PKN2: variants seen among roughly 807,000 people sequenced by gnomAD.
The protein encoded by PKN2 is protein kinase N2.
Under a neutral mutation model 119.1 loss-of-function variants are expected in PKN2, and 38 were observed. That is an observed-to-expected ratio of 0.32 (90% CI 0.25 to 0.42). The LOEUF is 0.42. Among genes scored for constraint, PKN2 ranks in the 10% least tolerant of loss-of-function variants. The probability of loss-of-function intolerance (pLI) is 1.00; values close to 1 mark genes in which losing one functional copy is unlikely to be tolerated. For synonymous variants in PKN2, 390 were observed against 384.9 expected, an observed-to-expected ratio of 1.01 and a Z score of -0.15; for missense variants, 850 against 1,165.1, an observed-to-expected ratio of 0.73 and a Z score of 3.94.
chr1:88,820,180 CT>C (rs1557634743), intron 16 of PKN2, among the ~76,000 whole-genome samples: 2,103 of 70,674 alleles, frequency 0.03, 198 homozygotes, highest in African/African-American at 0.11. Context: ...TTTCAGAAAC[CT>C]ATATATATAT....
rs1398685049 is a variant in PKN2, at chr1:88,828,563, T to C, written c.2502T>C (p.Tyr834=). The C allele has an allele frequency of 3.1e-6, 5 of 1,613,204 alleles. No individual in the cohort carries two copies. Among genetic ancestry groups the C allele is most frequent in the Non-Finnish European group, 4.2e-6 (5 of 1,179,302 alleles). Residue 834 remains tyrosine, a synonymous_variant, in exon 19 of 22, where the codon TAT becomes TAC. Transcript: ENST00000370521. ...LAPEVLTETS[Y]TRAVDWWGLG... ...CAGAAGTATTAACAGAAACTTCTTA[T>C]ACAAGGGCTGTAGATTGGTGGGGCC...
At chr1:88,706,764 T>C (rs1041620254) in intron 1 of PKN2, among the ~76,000 whole-genome samples, 5 of 152,108 alleles carry the variant, frequency 3.3e-5, no homozygotes, top group African/African-American at 1.2e-4. Flanking sequence ...CATTGCACAG[T>C]TTTTGATATG....
At chr1:88,829,806 G>A (rs984806098) in intron 19 of PKN2, among the ~76,000 whole-genome samples, 4 of 152,164 alleles carry the variant, frequency 2.6e-5, no homozygotes, top group Non-Finnish European at 4.4e-5. Context: ...GTTTGAAGAA[G>A]TTAGTGCTGA....
intron 19 of PKN2, among the ~76,000 whole-genome samples, chr1:88,831,281 A>G (rs559575685): frequency 6.6e-6 from 1 of 151,892 alleles, no homozygotes; most frequent in South Asian, 2.1e-4. Context: ...ACAAATGTAT[A>G]GATATTTCTT....
chr1:88,835,602 A>G lies in PKN2; in HGVS notation c.*2154A>G, dbSNP rs1378993636. ...AGATTTAAAATTTTAAGCTTTATAG[A>G]GTGTAAATATATTTTGCTATTACTG... On this transcript the variant is annotated 3_prime_UTR_variant, in exon 22 of 22. Coordinates refer to ENST00000370521, the MANE Select transcript of PKN2 (RefSeq NM_006256.4). 1 of 152,410 alleles carries G rather than the reference A, an allele frequency of 6.6e-6. No individual in the cohort carries two copies. Among genetic ancestry groups the G allele is most frequent in the Non-Finnish European group, 1.5e-5 (1 of 67,918 alleles). 9.4% of individuals were successfully genotyped at this position (152,410 alleles called of 1,614,324 possible).
chr1:88,763,302 A>G (rs536299242), intron 3 of PKN2, among the ~76,000 whole-genome samples: 88 of 152,356 alleles, frequency 5.8e-4, no homozygotes, highest in African/African-American at 1.8e-3. Context: ...TGAGATTTCA[A>G]GTTTAGAAAG....
At chr1:88,750,341 C>T (rs981686862) in intron 2 of PKN2, among the ~76,000 whole-genome samples, 12 of 152,152 alleles carry the variant, frequency 7.9e-5, no homozygotes, top group African/African-American at 2.9e-4. Flanking sequence ...TAAGAAGGAT[C>T]GGGATTGCTC....
chr1:88,732,776 A>T (rs1238528059), intron 1 of PKN2, among the ~76,000 whole-genome samples: 2 of 152,196 alleles, frequency 1.3e-5, no homozygotes, highest in Non-Finnish European at 2.9e-5. Flanking sequence ...TTTTAAATGA[A>T]GTCTTGTAAG....
chr1:88,804,093 G>A (rs530594575), intron 8 of PKN2, among the ~76,000 whole-genome samples: 3 of 152,178 alleles, frequency 2.0e-5, no homozygotes, highest in African/African-American at 7.2e-5. Context: ...AAGGAGTTTC[G>A]GTGGTTATTC....
At chr1:88,695,761 T>TG (rs1175414217) in intron 1 of PKN2, among the ~76,000 whole-genome samples, 1 of 152,216 alleles carries the variant, frequency 6.6e-6, no homozygotes, top group Admixed American at 6.5e-5. Flanking sequence ...TTGCTTCCTC[T>TG]GGAATATCAT....
At chr1:88,803,571 C>T (rs1671418557) in intron 8 of PKN2, among the ~76,000 whole-genome samples, 1 of 152,112 alleles carries the variant, frequency 6.6e-6, no homozygotes, top group Admixed American at 6.5e-5. Context: ...GGTTTGGCCA[C>T]AGCTTAGGAA....
chr1:88,684,710 C>T, intron 1 of PKN2, 82 bp downstream of exon 1: 15 of 1,239,634 alleles, frequency 1.2e-5, no homozygotes, highest in Non-Finnish European at 1.6e-5. Context: ...CCGAGGAAAG[C>T]CCTGCGGCCG....
chr1:88,743,771 A>G (rs1381130884), intron 2 of PKN2, among the ~76,000 whole-genome samples: 1 of 152,210 alleles, frequency 6.6e-6, no homozygotes, highest in Non-Finnish European at 1.5e-5. Context: ...AGTCTTTAGA[A>G]TTAGTATCAA....
At chr1:88,816,878 A>T (rs1269338593) in intron 16 of PKN2, 1 of 152,244 alleles carries the variant, frequency 6.6e-6, no homozygotes, top group African/African-American at 2.4e-5. Context: ...GAAGCATTCC[A>T]TATTTTTCTG....
At chr1:88,748,175 C>G (rs935657602) in intron 2 of PKN2, among the ~76,000 whole-genome samples, 1 of 152,108 alleles carries the variant, frequency 6.6e-6, no homozygotes, top group Non-Finnish European at 1.5e-5. Context: ...ATGAATTCAT[C>G]TAACTGCCAC....
intron 1 of PKN2, among the ~76,000 whole-genome samples, chr1:88,707,742 A>G (rs1421677231): frequency 6.6e-6 from 1 of 152,030 alleles, no homozygotes; most frequent in Non-Finnish European, 1.5e-5. Flanking sequence ...GGATTGGTAT[A>G]TTTTCATTTG....
intron 8 of PKN2, among the ~76,000 whole-genome samples, chr1:88,797,862 T>A (rs190729382): frequency 6.7e-6 from 1 of 149,932 alleles, no homozygotes; most frequent in African/African-American, 2.5e-5. Context: ...GGCACAGTGG[T>A]TCATGCCTGT....
Position 88,721,886 on chromosome 1 carries a change from G to A in PKN2, c.49-19102G>A, listed in dbSNP as rs6687512. Among the ~76,000 whole-genome samples the A allele has an allele frequency of 4.8e-3, 727 of 152,278 alleles. 3 individuals are homozygous for A. The highest frequency in any genetic ancestry group is 0.016 in the African/African-American group (683 of 41,554). ...CCACTCTATGTGAGTGTGTGTGTGT[G>A]TGTTGCACACATGGAATTTTCTGAG... On this transcript the variant is annotated intron_variant, in intron 1 of 21. Coordinates refer to ENST00000370521, the MANE Select transcript of PKN2 (RefSeq NM_006256.4).
At chr1:88,797,659 G>T (rs1671143923) in intron 8 of PKN2, among the ~76,000 whole-genome samples, 1 of 151,084 alleles carries the variant, frequency 6.6e-6, no homozygotes, top group South Asian at 2.1e-4. Flanking sequence ...AAAAGAGAGA[G>T]AATGTCTTCC....
Sources: gnomAD v4.1 joint callset for allele counts (sites outside exome capture counted in the v4.1 genomes callset) on GRCh38, gnomAD v4.1.1 for gene constraint, MANE v1.5 for transcripts, NCBI Gene and HGNC (gene_info 2026-07-23, HGNC 2026-07-21) for gene names.